GALNT14: variants seen among roughly 807,000 people sequenced by gnomAD.
GALNT14 encodes the protein polypeptide N-acetylgalactosaminyltransferase 14.
Under a neutral mutation model 77.5 loss-of-function variants are expected in GALNT14, and 60 were observed. The ratio of observed to expected loss-of-function variants is 0.77; its 90% CI spans 0.63 to 0.96. GALNT14 has a LOEUF of 0.96. GALNT14 is among the 40% of genes least tolerant of loss of function. The probability of loss-of-function intolerance (pLI) is 0.00; values close to 1 mark genes in which losing one functional copy is unlikely to be tolerated. For missense variants in GALNT14, 710 were observed against 731.0 expected (o/e 0.97, Z 0.33); for synonymous variants, 280 against 281.7 (o/e 0.99, Z 0.06).
chr2:30,919,391 G>A lies in GALNT14; in HGVS notation c.1380+4728C>T, dbSNP rs186884942. 2.6e-5 allele frequency among the ~76,000 whole-genome samples: 4 copies of A among 152,232 alleles called. No individual in the cohort carries two copies. The East Asian group carries it at 7.7e-4, about 29-fold the overall frequency. Reference sequence around the variant, plus strand: ...ATAGGACTGGGGGTGGAGCAGCATCGGGAGCCAGTGTCAGAACCAGAGGAC... The same window carrying A: ...ATAGGACTGGGGGTGGAGCAGCATCAGGAGCCAGTGTCAGAACCAGAGGAC... On this transcript the variant is annotated intron_variant, in intron 13 of 14. Coordinates refer to ENST00000349752, the MANE Select transcript of GALNT14 (RefSeq NM_024572.4).
intron 1 of GALNT14, among the ~76,000 whole-genome samples, chr2:31,097,710 T>G (rs2148608379): frequency 6.6e-6 from 1 of 152,240 alleles, no homozygotes; most frequent in Admixed American, 6.5e-5. Flanking sequence ...CCAGCAGGCT[T>G]CCTGTATTGG....
intron 1 of GALNT14, among the ~76,000 whole-genome samples, chr2:31,121,345 C>T (rs183251894): frequency 6.6e-5 from 10 of 152,244 alleles, no homozygotes; most frequent in East Asian, 3.9e-4. Flanking sequence ...TACACAGCAA[C>T]GCTCATTTAG....
rs773489249 is a variant in GALNT14 at position 31,138,138 on chromosome 2, C to T, written c.-52G>A. The T allele has an allele frequency of 5.0e-6, 8 of 1,611,932 alleles. No individual in the cohort carries two copies. The highest frequency in any genetic ancestry group is 1.7e-5 in the Admixed American group (1 of 59,922). On this transcript the variant is annotated 5_prime_UTR_variant, in exon 1 of 15. Coordinates refer to ENST00000349752, the MANE Select transcript of GALNT14 (RefSeq NM_024572.4). ...GGCGCTACGTCCCGGGGGCACCCCC[C>T]GGCGGTCAGGGTTGGCGGGGCAGGA...
At chr2:31,079,046 A>G in intron 1 of GALNT14, 1 of 1,268,778 alleles carries the variant, frequency 7.9e-7, no homozygotes, top group South Asian at 1.3e-5. Flanking sequence ...CTCAGGTGTC[A>G]GCTGCAAACT....
intron 1 of GALNT14, among the ~76,000 whole-genome samples, chr2:31,121,931 T>C (rs376841196): frequency 2.0e-5 from 3 of 152,208 alleles, no homozygotes; most frequent in Non-Finnish European, 4.4e-5. Context: ...GAAGATGGTA[T>C]TCCTAAGCCT....
intron 1 of GALNT14, among the ~76,000 whole-genome samples, chr2:31,031,886 T>C (rs1862966): frequency 0.39 from 59,947 of 151,926 alleles, 12,011 homozygotes; most frequent in East Asian, 0.55. Flanking sequence ...TGGGATACAG[T>C]GTTCTCTCTC....
the GALNT14 span, among the ~76,000 whole-genome samples, chr2:30,896,583 AG>A: frequency 6.6e-6 from 1 of 152,232 alleles, no homozygotes; most frequent in Non-Finnish European, 1.5e-5. Flanking sequence ...TAAAACTCTA[AG>A]AACAATGCTG....
At chr2:31,014,792 G>A (rs927161490) in intron 1 of GALNT14, among the ~76,000 whole-genome samples, 5 of 152,184 alleles carry the variant, frequency 3.3e-5, no homozygotes, top group African/African-American at 1.2e-4. Flanking sequence ...TGTATATAGA[G>A]TGCAAAGTTC....
At chr2:31,121,316 T>G (rs1678401651) in intron 1 of GALNT14, among the ~76,000 whole-genome samples, 1 of 152,156 alleles carries the variant, frequency 6.6e-6, no homozygotes, top group Non-Finnish European at 1.5e-5. Flanking sequence ...GAATCAAGCC[T>G]GGTGAGGAAT....
At chr2:30,944,660 G>T (rs1433715454) in intron 8 of GALNT14, among the ~76,000 whole-genome samples, 198 bp downstream of exon 8, 1 of 152,142 alleles carries the variant, frequency 6.6e-6, no homozygotes, top group Non-Finnish European at 1.5e-5. Flanking sequence ...ACAGGCCTCT[G>T]CTGGCCCCCA....
Position 30,992,760 on chromosome 2 carries a change from T to C in GALNT14, c.299+78A>G, listed in dbSNP as rs1397383796. On this transcript the variant is annotated intron_variant, in intron 2 of 14. Transcript: ENST00000349752. ...CCCGGTTCTTAGCACTGGTGCTGCA[T>C]ACAGCAGGCCCCAGATCAAGCCTGC... 1.6e-5 allele frequency: 24 copies of C among 1,500,098 alleles called. No homozygotes were observed. In the Admixed American group the frequency reaches 3.0e-4, roughly 18 times the overall value. 92.9% of individuals were successfully genotyped at this position (1,500,098 alleles called of 1,614,324 possible). A position where few individuals can be genotyped will look rare whatever the true frequency, so the allele number is the denominator to read the frequency against.
At chr2:30,996,155 G>C (rs1320334030) in intron 1 of GALNT14, among the ~76,000 whole-genome samples, 1 of 152,170 alleles carries the variant, frequency 6.6e-6, no homozygotes, top group East Asian at 1.9e-4. Context: ...AATAACATTT[G>C]ACCAAATGCC....
At chr2:31,081,994 C>T (rs185415271) in intron 1 of GALNT14, among the ~76,000 whole-genome samples, 1 of 152,272 alleles carries the variant, frequency 6.6e-6, no homozygotes, top group African/African-American at 2.4e-5. Flanking sequence ...GACACTCAGA[C>T]TGATATAAAA....
intron 9 of GALNT14, among the ~76,000 whole-genome samples, chr2:30,934,609 T>G (rs1665943718): frequency 6.6e-6 from 1 of 152,184 alleles, no homozygotes; most frequent in Non-Finnish European, 1.5e-5. Flanking sequence ...CTCCCAGCTC[T>G]TTATTTCTCT....
chr2:30,955,835 C>A, intron 5 of GALNT14, 77 bp downstream of exon 5: 1 of 1,609,890 alleles, frequency 6.2e-7, no homozygotes, highest in Non-Finnish European at 8.5e-7. Flanking sequence ...ACTGATCACC[C>A]CAACACACAC....
intron 2 of GALNT14, among the ~76,000 whole-genome samples, chr2:30,972,024 A>G (rs1410912008): frequency 6.6e-6 from 1 of 152,214 alleles, no homozygotes; most frequent in Non-Finnish European, 1.5e-5. Flanking sequence ...ACCCAGATAC[A>G]TGATCTTCCT....
In GALNT14 at chr2:30,932,203, C is replaced by G; in HGVS notation, c.932-9G>C. The G allele has an allele frequency of 7.4e-6, 11 of 1,481,848 alleles. No homozygotes were observed. The highest frequency in any genetic ancestry group is 9.9e-6 in the Non-Finnish European group (11 of 1,112,270). 91.8% of individuals were successfully genotyped at this position (1,481,848 alleles called of 1,614,324 possible). On this transcript the variant is annotated splice_polypyrimidine_tract_variant and intron_variant, in intron 9 of 14. Coordinates refer to ENST00000349752, the MANE Select transcript of GALNT14 (RefSeq NM_024572.4). Reference sequence around the variant, plus strand: ...CACTCGGAAGGAGATTTCTGCAAGACAGTCACGCCCCTCCTATGACCTCTT... The same window carrying G: ...CACTCGGAAGGAGATTTCTGCAAGAGAGTCACGCCCCTCCTATGACCTCTT...
intron 1 of GALNT14, among the ~76,000 whole-genome samples, chr2:31,116,140 T>C (rs1216487797): frequency 1.3e-5 from 2 of 152,106 alleles, no homozygotes; most frequent in African/African-American, 2.4e-5. Flanking sequence ...TCGAATGTCC[T>C]GGAAAGAAAG....
In GALNT14 at chr2:31,038,086, T is replaced by TAAA. The variant is rs1558514656; in HGVS notation, c.130-45080_130-45079insTTT. On this transcript the variant is annotated intron_variant, in intron 1 of 14. Transcript: ENST00000349752. ...TTGCCATATATATATATATATATATTTTTTTTTTTTTTTTTTTTTTTTTTT... is the reference window on the plus strand; with the variant it reads ...TTGCCATATATATATATATATATATTAAATTTTTTTTTTTTTTTTTTTTTTTTT... Among the ~76,000 whole-genome samples the TAAA allele has an allele frequency of 2.2e-4, 8 of 35,936 alleles. 1 individual carries two copies. The highest frequency in any genetic ancestry group is 1.4e-3 in the African/African-American group (8 of 5,794). The allele number at this position is 35,936 out of a possible 152,430, so 23.6% of individuals were successfully genotyped here. A position where few individuals can be genotyped will look rare whatever the true frequency, so the allele number is the denominator to read the frequency against.
Sources: gnomAD v4.1 joint callset for allele counts (sites outside exome capture counted in the v4.1 genomes callset) on GRCh38, gnomAD v4.1.1 for gene constraint, MANE v1.5 for transcripts, NCBI Gene and HGNC (gene_info 2026-07-23, HGNC 2026-07-21) for gene names.